GRIA1: variants seen among roughly 807,000 people sequenced by gnomAD.
GRIA1 encodes glutamate receptor 1.
A neutral mutation model predicts 99.2 loss-of-function variants in GRIA1; 31 were observed. The ratio of observed to expected loss-of-function variants is 0.31; its 90% CI spans 0.23 to 0.42. The LOEUF is 0.42. GRIA1 is among the 10% of genes least tolerant of loss of function. The pLI is 1.00. For missense variants in GRIA1, 782 were observed against 1,157.5 expected (o/e 0.68, Z 4.71); for synonymous variants, 438 against 432.4 (o/e 1.01, Z -0.16).
chr5:153,494,774 G>C (rs988472488), intron 2 of GRIA1, among the ~76,000 whole-genome samples: 1 of 152,178 alleles, frequency 6.6e-6, no homozygotes, highest in African/African-American at 2.4e-5. Flanking sequence ...GGAAGCCTGT[G>C]CTCACATGAT....
At position 153,676,999 on chromosome 5, in the gene GRIA1, C is replaced by T. The variant is rs768560984; in HGVS notation, c.867C>T (p.Thr289=). ...TRVDWKRPKY[T]SALTYDGVKV... is the part of the protein sequence containing the mutation. Reference sequence around the variant, plus strand: ...GTCTCCATTCCTCCCACTAGTACACCTCTGCGCTCACCTACGATGGGGTGA... The same window carrying T: ...GTCTCCATTCCTCCCACTAGTACACTTCTGCGCTCACCTACGATGGGGTGA... The change falls in exon 7 of 16, where the codon ACC becomes ACT. Residue 289 remains threonine (T), a synonymous_variant. Coordinates refer to ENST00000285900, the MANE Select transcript of GRIA1 (RefSeq NM_000827.4). The T allele has an allele frequency of 1.3e-6, 2 of 1,484,072 alleles. No individual in the cohort carries two copies. The highest frequency in any genetic ancestry group is 1.4e-5 in the South Asian group (1 of 70,346). The allele number at this position is 1,484,072 out of a possible 1,614,324, so 91.9% of individuals were successfully genotyped here.
Position 153,676,975 on chromosome 5 carries a change from T to A in GRIA1, c.862-19T>A. On this transcript the variant is annotated intron_variant, in intron 6 of 15. Transcript: ENST00000285900. Reference sequence around the variant, plus strand: ...GTCAGCTCTCTTTGATACCTAACTGTCTCCATTCCTCCCACTAGTACACCT... The same window carrying A: ...GTCAGCTCTCTTTGATACCTAACTGACTCCATTCCTCCCACTAGTACACCT... 1 of 1,376,406 alleles carries A rather than the reference T, an allele frequency of 7.3e-7. No individual in the cohort carries two copies. Among genetic ancestry groups the A allele is most frequent in the Non-Finnish European group, 9.5e-7 (1 of 1,052,962 alleles). 85.3% of individuals were successfully genotyped at this position (1,376,406 alleles called of 1,614,324 possible).
At chr5:153,743,094 C>A (rs575596289) in intron 11 of GRIA1, among the ~76,000 whole-genome samples, 7 of 152,220 alleles carry the variant, frequency 4.6e-5, no homozygotes, top group African/African-American at 1.7e-4. Context: ...TGAAAGTGAG[C>A]CTTTATTCTT....
At chr5:153,628,268 G>C (rs896699302) in intron 2 of GRIA1, among the ~76,000 whole-genome samples, 1 of 152,194 alleles carries the variant, frequency 6.6e-6, no homozygotes, top group Non-Finnish European at 1.5e-5. Flanking sequence ...CATCACAGGG[G>C]AGTTGGTGTA....
At chr5:153,536,735 T>G (rs953433327) in intron 2 of GRIA1, among the ~76,000 whole-genome samples, 5 of 152,198 alleles carry the variant, frequency 3.3e-5, no homozygotes, top group Admixed American at 2.0e-4. Context: ...ACATTTTGTT[T>G]CATTCTATCA....
intron 11 of GRIA1, among the ~76,000 whole-genome samples, chr5:153,714,821 A>G (rs935139469): frequency 1.3e-5 from 2 of 152,244 alleles, no homozygotes; most frequent in Non-Finnish European, 1.5e-5. Context: ...ACCTCTAGCT[A>G]TGTCCAACGG....
At chr5:153,541,973 A>G (rs180816211) in intron 2 of GRIA1, among the ~76,000 whole-genome samples, 5 of 148,306 alleles carry the variant, frequency 3.4e-5, no homozygotes, top group Non-Finnish European at 3.0e-5. Flanking sequence ...GTTGCCAGGT[A>G]TGGGGCACAT....
At position 153,594,870 on chromosome 5, in the gene GRIA1, C is replaced by A. The variant is rs186294797; in HGVS notation, c.221-52058C>A. On this transcript the variant is annotated intron_variant, in intron 2 of 15. Coordinates refer to ENST00000285900, the MANE Select transcript of GRIA1 (RefSeq NM_000827.4). Reference sequence around the variant, plus strand: ...ATAGGCTAGGGCAGGGGCTCTGGGGCTTTCCACCAGGTTTTACCCCATCCC... The same window carrying A: ...ATAGGCTAGGGCAGGGGCTCTGGGGATTTCCACCAGGTTTTACCCCATCCC... Among the ~76,000 whole-genome samples the A allele has an allele frequency of 7.9e-5, 12 of 152,086 alleles. No individual in the cohort carries two copies. The East Asian group carries it at 2.1e-3, about 27-fold the overall frequency.
At chr5:153,536,198 C>T (rs931982454) in intron 2 of GRIA1, among the ~76,000 whole-genome samples, 10 of 152,104 alleles carry the variant, frequency 6.6e-5, no homozygotes, top group Admixed American at 2.6e-4. Context: ...CCCTCATTTC[C>T]CTCCTGTTTC....
chr5:153,717,285 T>G (rs1407815215), intron 11 of GRIA1, among the ~76,000 whole-genome samples: 1 of 152,158 alleles, frequency 6.6e-6, no homozygotes, highest in East Asian at 1.9e-4. Flanking sequence ...CAGAGACTTC[T>G]GGGAAGCAAT....
At chr5:153,770,462 A>G (rs750320309) in intron 13 of GRIA1, 47 bp downstream of exon 13, 12 of 1,566,310 alleles carry the variant, frequency 7.7e-6, no homozygotes, top group Non-Finnish European at 1.0e-5. Context: ...TCCCCTCCCT[A>G]TCTCAGGAAT....
rs767158405 is a variant in GRIA1, at chr5:153,698,993, A to G, written c.1372A>G (p.Ile458Val). The G allele has an allele frequency of 7.4e-6, 12 of 1,613,688 alleles. No homozygotes were observed. The South Asian group carries it at 1.2e-4, about 16-fold the overall frequency. ...CGTGGGCTACTCCTACCGTCTGGAGATTGTCAGTGATGGAAAATACGGAGC... is the reference window on the plus strand; with the variant it reads ...CGTGGGCTACTCCTACCGTCTGGAGGTTGTCAGTGATGGAAAATACGGAGC... ...KHVGYSYRLE[I>V]VSDGKYGARD... Residue 458 changes from isoleucine to valine, a missense_variant, in exon 10 of 16, where the codon ATT (isoleucine) becomes GTT (valine). Transcript: ENST00000285900.
At chr5:153,578,148 C>CAAAAAAAAAAAAAAAAAAAAAA (rs60901793) in intron 2 of GRIA1, among the ~76,000 whole-genome samples, 8 of 69,320 alleles carry the variant, frequency 1.2e-4, no homozygotes, top group South Asian at 5.4e-4. Flanking sequence ...GAGACTCTGT[C>CAAAAAAAAAAAAAAAAAAAAAA]AAAAAAAAAA....
At chr5:153,801,953 G>A (rs919562767) in intron 14 of GRIA1, among the ~76,000 whole-genome samples, 4 of 44,080 alleles carry the variant, frequency 9.1e-5, no homozygotes, top group East Asian at 5.5e-4. Flanking sequence ...AAATTGGGGC[G>A]GGGGGGGGCG....
chr5:153,762,638 G>A (rs554619863), intron 11 of GRIA1, among the ~76,000 whole-genome samples: 1 of 152,132 alleles, frequency 6.6e-6, no homozygotes, highest in African/African-American at 2.4e-5. Flanking sequence ...GGAAGCAACT[G>A]GTCCCTAACC....
intron 11 of GRIA1, among the ~76,000 whole-genome samples, chr5:153,737,231 CT>C (rs1761440325): frequency 6.8e-6 from 1 of 146,730 alleles, no homozygotes; most frequent in Non-Finnish European, 1.5e-5. Flanking sequence ...TCATAACAAC[CT>C]TTTGAGTTAA....
At chr5:153,540,811 C>A (rs1444939043) in intron 2 of GRIA1, among the ~76,000 whole-genome samples, 3 of 152,094 alleles carry the variant, frequency 2.0e-5, no homozygotes, top group Admixed American at 2.0e-4. Context: ...AGGAGAAAAA[C>A]CCAGTCCTAC....
At chr5:153,547,145 TTCTTAAA>T (rs1759683898) in intron 2 of GRIA1, among the ~76,000 whole-genome samples, 1 of 152,128 alleles carries the variant, frequency 6.6e-6, no homozygotes, top group Non-Finnish European at 1.5e-5. Context: ...TTTGTAAAGT[TTCTTAAA>T]ACATTATGAG....
chr5:153,523,511 A>ATTTT (rs33960409), intron 2 of GRIA1, among the ~76,000 whole-genome samples: 10 of 150,038 alleles, frequency 6.7e-5, no homozygotes, highest in Non-Finnish European at 8.9e-5. Context: ...TGCTTTGAAC[A>ATTTT]TTTTTTTTTT....
Sources: allele counts gnomAD v4.1 joint callset (sites outside exome capture counted in the v4.1 genomes callset), GRCh38; gene constraint gnomAD v4.1.1; transcripts MANE v1.5; gene names NCBI Gene and HGNC (gene_info 2026-07-23, HGNC 2026-07-21).